The following TBXAS1 variants were observed in gnomAD, a reference collection of about 807,000 sequenced individuals.
The protein encoded by TBXAS1 is thromboxane-A synthase.
A neutral mutation model predicts 60.7 loss-of-function variants in TBXAS1; 48 were observed. The observed-to-expected ratio is 0.79, with a 90% CI of 0.63 to 1.01. The LOEUF is 1.01. TBXAS1 is among the 50% of genes least tolerant of loss of function. The pLI is 0.00. For missense variants in TBXAS1, 685 were observed against 686.3 expected, an observed-to-expected ratio of 1.00 and a Z score of 0.02; for synonymous variants, 287 against 269.7, an observed-to-expected ratio of 1.06 and a Z score of -0.63.
intron 4 of TBXAS1, 63 bp downstream of exon 4, chr7:139,911,384 T>C (rs1354382751): frequency 4.9e-6 from 7 of 1,417,008 alleles, no homozygotes; most frequent in Non-Finnish European, 6.0e-6. Context: ...AGACACTGCA[T>C]GTCAGATCCA....
At chr7:139,809,975 A>G (rs368748246) in intron 4 of TBXAS1, among the ~76,000 whole-genome samples, 2 of 152,134 alleles carry the variant, frequency 1.3e-5, no homozygotes, top group East Asian at 1.9e-4. Flanking sequence ...GGCATTAAGG[A>G]CATCATTTCA....
chr7:139,802,728 G>A (rs552936744), intron 4 of TBXAS1, among the ~76,000 whole-genome samples: 2 of 152,284 alleles, frequency 1.3e-5, no homozygotes, highest in South Asian at 4.1e-4. Flanking sequence ...GAGTTGCAGT[G>A]AGCTGAGATC....
chr7:139,932,783 A>G lies in TBXAS1; in HGVS notation c.334-3408A>G, dbSNP rs193032304. Among the ~76,000 whole-genome samples, 54 of 152,346 alleles carry G rather than the reference A, an allele frequency of 3.5e-4. No homozygotes were observed. The East Asian group carries it at 0.01, about 28-fold the overall frequency. On this transcript the variant is annotated intron_variant, in intron 4 of 12. Coordinates refer to ENST00000448866, the MANE Select transcript of TBXAS1 (RefSeq NM_001061.7). ...ATCTATAAACAAAAAGAGGCCAGGC[A>G]CAGTGGCTCATGCCTGTAATCCCAG...
At chr7:139,800,477 G>T (rs1172692904) in intron 4 of TBXAS1, among the ~76,000 whole-genome samples, 1 of 151,882 alleles carries the variant, frequency 6.6e-6, no homozygotes, top group Non-Finnish European at 1.5e-5. Flanking sequence ...AGCCCTTCTG[G>T]ACTTCCTTCA....
intron 4 of TBXAS1, among the ~76,000 whole-genome samples, chr7:139,791,462 C>T (rs1797378843): frequency 2.6e-5 from 4 of 152,176 alleles, no homozygotes; most frequent in South Asian, 2.1e-4. Context: ...CTATGGGCCA[C>T]AACTCAGTGA....
intron 9 of TBXAS1, among the ~76,000 whole-genome samples, chr7:139,966,420 A>C (rs62490101): frequency 0.11 from 16,876 of 152,268 alleles, 1,254 homozygotes; most frequent in Non-Finnish European, 0.16. Context: ...CAGAGGGCAG[A>C]GCTGCCTTCA....
chr7:139,885,539 C>T (rs1461274622), intron 3 of TBXAS1, among the ~76,000 whole-genome samples: 1 of 152,180 alleles, frequency 6.6e-6, no homozygotes, highest in South Asian at 2.1e-4. Context: ...CAGACAGTCT[C>T]AAAAAGTGCA....
intron 1 of TBXAS1, among the ~76,000 whole-genome samples, chr7:139,840,579 T>C (rs1201098551): frequency 6.6e-6 from 1 of 152,080 alleles, no homozygotes; most frequent in East Asian, 1.9e-4. Context: ...CCCGCTGAGA[T>C]GGTCCCTTGA....
chr7:139,823,401 C>T (rs562686997), intron 4 of TBXAS1, among the ~76,000 whole-genome samples: 102 of 152,116 alleles, frequency 6.7e-4, no homozygotes, highest in African/African-American at 2.3e-3. Flanking sequence ...CAGAGGAGTC[C>T]TCCTAACCTG....
intron 4 of TBXAS1, among the ~76,000 whole-genome samples, chr7:139,794,170 C>T (rs1431652931): frequency 6.6e-6 from 1 of 151,822 alleles, no homozygotes; most frequent in African/African-American, 2.4e-5. Context: ...GGCATGATCT[C>T]GGCTCGCTGC....
chr7:139,791,120 A>G (rs937148885), intron 4 of TBXAS1, among the ~76,000 whole-genome samples: 2 of 152,208 alleles, frequency 1.3e-5, no homozygotes, highest in African/African-American at 4.8e-5. Flanking sequence ...TTTGGATCTT[A>G]TATCTGATTA....
At chr7:139,900,305 A>G (rs541898558) in intron 3 of TBXAS1, among the ~76,000 whole-genome samples, 2 of 152,302 alleles carry the variant, frequency 1.3e-5, no homozygotes, top group Non-Finnish European at 2.9e-5. Context: ...TGGCCCAGAG[A>G]GTTTCAGAAA....
At chr7:139,990,159 G>A (rs1346701950) in intron 9 of TBXAS1, among the ~76,000 whole-genome samples, 3 of 152,116 alleles carry the variant, frequency 2.0e-5, no homozygotes, top group African/African-American at 7.2e-5. Flanking sequence ...CCCAGGCCAG[G>A]CCTCCCCTCC....
chr7:139,886,966 A>G (rs1803162211), intron 3 of TBXAS1, among the ~76,000 whole-genome samples: 1 of 152,172 alleles, frequency 6.6e-6, no homozygotes, highest in Non-Finnish European at 1.5e-5. Flanking sequence ...GGAGCCCACA[A>G]GGATGCTTTA....
intron 9 of TBXAS1, among the ~76,000 whole-genome samples, chr7:139,967,764 T>C (rs1810899652): frequency 6.6e-6 from 1 of 152,218 alleles, no homozygotes; most frequent in Non-Finnish European, 1.5e-5. Context: ...GGTAAATGGC[T>C]TCTGGGTAGC....
At chr7:139,797,604 C>G (rs944547203) in intron 4 of TBXAS1, 1 of 152,190 alleles carries the variant, frequency 6.6e-6, no homozygotes, top group Non-Finnish European at 1.5e-5. Context: ...CCTATTCTGC[C>G]AACATTTCCT....
intron 3 of TBXAS1, among the ~76,000 whole-genome samples, chr7:139,882,162 G>C (rs896606891): frequency 1.3e-5 from 2 of 152,230 alleles, no homozygotes; most frequent in African/African-American, 4.8e-5. Context: ...AATACTGGCA[G>C]ATGGCTATGT....
intron 4 of TBXAS1, chr7:139,913,228 G>T: frequency 1.5e-6 from 1 of 682,444 alleles, no homozygotes; most frequent in East Asian, 2.7e-5. Flanking sequence ...CCCAAACACT[G>T]CATTGCTATC....
intron 4 of TBXAS1, among the ~76,000 whole-genome samples, chr7:139,819,184 T>C (rs1466568735): frequency 6.6e-6 from 1 of 152,234 alleles, no homozygotes; most frequent in Non-Finnish European, 1.5e-5. Context: ...GGGGTGGTCA[T>C]GTTTCCAAAG....
Sources: allele counts gnomAD v4.1 joint callset (sites outside exome capture counted in the v4.1 genomes callset), GRCh38; gene constraint gnomAD v4.1.1; transcripts MANE v1.5; gene names NCBI Gene and HGNC (gene_info 2026-07-23, HGNC 2026-07-21).